The following MAP3K3 variants were observed in gnomAD, a reference collection of about 807,000 sequenced individuals.
MAP3K3 encodes mitogen-activated protein kinase kinase kinase 3, also known as MAP/ERK kinase kinase 3.
In MAP3K3, 12 loss-of-function variants were observed where a neutral mutation model predicts 80.9. The observed-to-expected ratio is 0.15, with a 90% confidence interval of 0.10 to 0.24. The LOEUF (loss-of-function observed/expected upper bound fraction) is 0.24. Ranked by LOEUF, MAP3K3 falls within the 10% of genes least tolerant of loss-of-function variation. The pLI is 1.00. For synonymous variants in MAP3K3, 272 were observed against 307.1 expected (o/e 0.89, Z 1.19); for missense variants, 596 against 834.7 (o/e 0.71, Z 3.52).
chr17:63,668,393 G>A (rs965527637), intron 6 of MAP3K3: 5 of 152,204 alleles, frequency 3.3e-5, no homozygotes, highest in Non-Finnish European at 4.4e-5. Flanking sequence ...AGATAATTGG[G>A]GAATGTGTTG....
chr17:63,664,027 G>A (rs923963595), intron 5 of MAP3K3, among the ~76,000 whole-genome samples: 2 of 151,970 alleles, frequency 1.3e-5, no homozygotes, highest in African/African-American at 4.8e-5. Flanking sequence ...CGGATCACGA[G>A]GTCAGGAGAT....
At chr17:63,641,004 C>T (rs932239373) in intron 2 of MAP3K3, among the ~76,000 whole-genome samples, 6 of 152,200 alleles carry the variant, frequency 3.9e-5, no homozygotes, top group African/African-American at 1.4e-4. Context: ...TACCATACTA[C>T]CCCTCTAAAT....
In MAP3K3 at chr17:63,656,655, C is replaced by T. The variant is rs115622505; in HGVS notation, c.268-1139C>T. The stretch of plus-strand genomic sequence containing the variant: ...GATCTGACATTTGCTAGGTCCTAAG[C>T]AAGGCATACGTTTGCATCTTATGAA... On this transcript the variant is annotated intron_variant, in intron 4 of 15. Transcript: ENST00000361733. Among the ~76,000 whole-genome samples the T allele has an allele frequency of 3.1e-3, 470 of 152,214 alleles. 2 individuals are homozygous for T. Among genetic ancestry groups the T allele is most frequent in the African/African-American group, 0.011 (447 of 41,516 alleles).
At chr17:63,634,028 A>C (rs2034269330) in intron 2 of MAP3K3, among the ~76,000 whole-genome samples, 1 of 152,138 alleles carries the variant, frequency 6.6e-6, no homozygotes, top group African/African-American at 2.4e-5. Context: ...CTTTTGTTTC[A>C]TGTTAAAACA....
chr17:63,666,484 A>C (rs1406981882), intron 5 of MAP3K3, among the ~76,000 whole-genome samples: 2 of 152,172 alleles, frequency 1.3e-5, no homozygotes, highest in Admixed American at 1.3e-4. Flanking sequence ...TCAGTCAATA[A>C]GATAAATACA....
chr17:63,662,685 TCTCA>T (rs1361212705), intron 5 of MAP3K3, among the ~76,000 whole-genome samples: 1 of 128,388 alleles, frequency 7.8e-6, no homozygotes, highest in Non-Finnish European at 1.6e-5. Flanking sequence ...TGGGATGGAG[TCTCA>T]CTCTGTCACC....
chr17:63,649,355 T>C (rs1047478028), intron 3 of MAP3K3, among the ~76,000 whole-genome samples: 1 of 150,716 alleles, frequency 6.6e-6, no homozygotes, highest in Non-Finnish European at 1.5e-5. Flanking sequence ...GAGAATGGCA[T>C]GAACCTGGGA....
At chr17:63,675,188 C>T (rs1051010614) in intron 6 of MAP3K3, among the ~76,000 whole-genome samples, 3 of 152,138 alleles carry the variant, frequency 2.0e-5, no homozygotes, top group African/African-American at 4.8e-5. Context: ...GGAAATTCTA[C>T]CCACTACTGT....
chr17:63,688,932 T>A (rs779667463), intron 10 of MAP3K3, 51 bp downstream of exon 10: 15 of 1,401,068 alleles, frequency 1.1e-5, no homozygotes, highest in African/African-American at 1.4e-5. Context: ...AAAGGACAAG[T>A]TGCCATGGGG....
At chr17:63,647,439 C>A (rs766297432) in intron 3 of MAP3K3, among the ~76,000 whole-genome samples, 1 of 152,136 alleles carries the variant, frequency 6.6e-6, no homozygotes, top group South Asian at 2.1e-4. Context: ...AGCCCAATTA[C>A]GCAGTTAGGC....
At chr17:63,679,517 C>CT (rs1417499482) in intron 6 of MAP3K3, among the ~76,000 whole-genome samples, 1 of 152,220 alleles carries the variant, frequency 6.6e-6, no homozygotes, top group Admixed American at 6.5e-5. Flanking sequence ...GGGTCGCACT[C>CT]TATCACCTAT....
At chr17:63,631,605 A>G (rs1000715684) in intron 1 of MAP3K3, among the ~76,000 whole-genome samples, 2 of 152,206 alleles carry the variant, frequency 1.3e-5, no homozygotes, top group African/African-American at 2.4e-5. Context: ...GATCTCTTAA[A>G]GGACCTGGGA....
intron 2 of MAP3K3, among the ~76,000 whole-genome samples, chr17:63,637,528 T>C (rs2034354418): frequency 6.6e-6 from 1 of 152,260 alleles, no homozygotes; most frequent in South Asian, 2.1e-4. Flanking sequence ...TGAAATATTT[T>C]GTACATTGTA....
chr17:63,633,286 T>G (rs2034256003), intron 2 of MAP3K3, among the ~76,000 whole-genome samples: 1 of 152,144 alleles, frequency 6.6e-6, no homozygotes, highest in Non-Finnish European at 1.5e-5. Context: ...ATTTGGAGTC[T>G]TAAAGCCTTG....
intron 6 of MAP3K3, among the ~76,000 whole-genome samples, chr17:63,677,710 A>G (rs1375854818): frequency 6.6e-6 from 1 of 152,240 alleles, no homozygotes; most frequent in Non-Finnish European, 1.5e-5. Context: ...TTTGAGCTGC[A>G]TGAAACATGC....
At position 63,688,807 on chromosome 17, in the gene MAP3K3, A is replaced by G. The variant is rs771693753; in HGVS notation, c.797A>G (p.Tyr266Cys). The part of the protein sequence containing the change: ...QEYSDRETQL[Y>C]DKGVKGGTYP... ...TACTCAGATCGGGAAACTCAGCTTT[A>G]TGACAAAGGGGTCAAAGGTGGAACC... Residue 266 changes from tyrosine to cysteine, a missense_variant, in exon 10 of 16, where the codon TAT (tyrosine) becomes TGT (cysteine). Physicochemically the swap from Tyr to Cys is radical, Grantham distance 194. Coordinates refer to ENST00000361733, the MANE Select transcript of MAP3K3 (RefSeq NM_002401.5). 54 of 1,613,758 alleles carry G rather than the reference A, an allele frequency of 3.3e-5. No homozygotes were observed. The Middle Eastern group carries it at 2.5e-3, about 74-fold the overall frequency.
chr17:63,657,856 C>T lies in MAP3K3; in HGVS notation c.330C>T (p.Ser110=). The T allele has an allele frequency of 1.2e-6, 2 of 1,609,248 alleles. No homozygotes were observed. The highest frequency in any genetic ancestry group is 2.2e-5 in the East Asian group (1 of 44,726). The part of the protein sequence containing the change: ...LDKAIDILDR[S]SSMKSLRILL... ...AAGCAATTGACATTTTAGATAGAAG[C>T]TCAAGCATGAAAAGCCTTAGGATAT... Residue 110 remains serine, a synonymous_variant, in exon 5 of 16, where the codon AGC becomes AGT. Transcript: ENST00000361733.
In MAP3K3 at chr17:63,688,602, C is replaced by T; in HGVS notation, c.778+8C>T. On this transcript the variant is annotated splice_region_variant and intron_variant, in intron 9 of 15. Transcript: ENST00000361733. ...ACAGACAGGAATACTCAGGTGAGTT[C>T]CACAGAGCCTGGGTGGGTAATGCAG... is the stretch of plus-strand genomic sequence containing the variant. The T allele has an allele frequency of 6.2e-7, 1 of 1,613,486 alleles. No homozygotes were observed.
In MAP3K3 at chr17:63,689,342, G is replaced by A; in HGVS notation, c.872-202G>A. ...CTGCTTTTGTCCTGATTCTTGGAGT[G>A]CTTGGGACAGCAGCCTCTGTGGAAT... On this transcript the variant is annotated intron_variant, in intron 10 of 15. Transcript: ENST00000361733. The surrounding 1 kb of genome is among the most constrained non-coding windows in gnomAD (Gnocchi z 4.3). 1.7e-6 allele frequency: 1 copy of A among 585,916 alleles called. No homozygotes were observed. Among genetic ancestry groups the A allele is most frequent in the Non-Finnish European group, 3.0e-6 (1 of 329,348 alleles). 36.3% of individuals were successfully genotyped at this position (585,916 alleles called of 1,614,324 possible).
Sources: gnomAD v4.1 joint callset for allele counts (sites outside exome capture counted in the v4.1 genomes callset) on GRCh38, gnomAD v4.1.1 for gene constraint, Gnocchi (gnomAD v3.1) non-coding constraint, MANE v1.5 for transcripts, NCBI Gene and HGNC (gene_info 2026-07-23, HGNC 2026-07-21) for gene names.